Variants in CLSTN2 observed in about 807,000 individuals in gnomAD.
CLSTN2 encodes the protein calsyntenin 2.
In CLSTN2, 48 loss-of-function variants were observed where a neutral mutation model predicts 101.2. The observed-to-expected ratio is 0.47, with a 90% confidence interval of 0.38 to 0.60. The LOEUF (loss-of-function observed/expected upper bound fraction) is 0.60. CLSTN2 is among the 20% of genes least tolerant of loss of function. The pLI is 0.00. For synonymous variants in CLSTN2, 481 were observed against 463.6 expected, an observed-to-expected ratio of 1.04 and a Z score of -0.48; for missense variants, 1,160 against 1,238.2, an observed-to-expected ratio of 0.94 and a Z score of 0.95.
chr3:140,478,682 C>A (rs1266120761), intron 8 of CLSTN2, among the ~76,000 whole-genome samples: 2 of 152,044 alleles, frequency 1.3e-5, no homozygotes, highest in East Asian at 3.9e-4. Flanking sequence ...TATAAATTTA[C>A]TTAACACCAC....
intron 2 of CLSTN2, among the ~76,000 whole-genome samples, chr3:140,182,477 T>C (rs1301042338): frequency 6.6e-6 from 1 of 152,156 alleles, no homozygotes; most frequent in Non-Finnish European, 1.5e-5. Flanking sequence ...CAGTCTGTCC[T>C]GCCCCACAGC....
rs867209265 is a variant in CLSTN2, at chr3:140,172,204, C to T, written c.110-3747C>T. Reference sequence around the variant, plus strand: ...GAATCTGATGTACCTACTCTATATCCAGACTTCTGTGAGGGTATTGGGGGT... The same window carrying T: ...GAATCTGATGTACCTACTCTATATCTAGACTTCTGTGAGGGTATTGGGGGT... On this transcript the variant is annotated intron_variant, in intron 1 of 16. Coordinates refer to ENST00000458420, the MANE Select transcript of CLSTN2 (RefSeq NM_022131.3). Among the ~76,000 whole-genome samples the T allele has an allele frequency of 7.2e-5, 10 of 138,512 alleles. No individual in the cohort carries two copies. The South Asian group carries it at 1.4e-3, about 20-fold the overall frequency. The allele number at this position is 138,512 out of a possible 152,430, so 90.9% of individuals were successfully genotyped here.
intron 1 of CLSTN2, among the ~76,000 whole-genome samples, chr3:140,068,729 T>A (rs143883791): frequency 6.6e-6 from 1 of 152,312 alleles, no homozygotes; most frequent in African/African-American, 2.4e-5. Context: ...CAATTCCTAA[T>A]AAGAAGACCA....
chr3:140,328,942 A>C (rs2107927998), intron 2 of CLSTN2, among the ~76,000 whole-genome samples: 1 of 152,314 alleles, frequency 6.6e-6, no homozygotes, highest in East Asian at 1.9e-4. Flanking sequence ...TCAAAAATAA[A>C]AACAAAAGCA....
chr3:140,237,431 G>C (rs2086427497), intron 2 of CLSTN2, among the ~76,000 whole-genome samples: 1 of 152,120 alleles, frequency 6.6e-6, no homozygotes, highest in Non-Finnish European at 1.5e-5. Flanking sequence ...TGCATCTTCT[G>C]ATCAGAGCTC....
At chr3:140,429,617 T>C (rs1180809923) in intron 5 of CLSTN2, among the ~76,000 whole-genome samples, 4 of 152,124 alleles carry the variant, frequency 2.6e-5, no homozygotes, top group African/African-American at 4.8e-5. Flanking sequence ...CTCCATGTGG[T>C]TAAGAGTATC....
chr3:140,086,520 T>C (rs112955187), intron 1 of CLSTN2, among the ~76,000 whole-genome samples: 1 of 152,220 alleles, frequency 6.6e-6, no homozygotes, highest in East Asian at 1.9e-4. Context: ...GCCTGGCACA[T>C]AAGTGCAACG....
intron 2 of CLSTN2, among the ~76,000 whole-genome samples, chr3:140,237,141 C>A (rs1016456588): frequency 2.6e-5 from 4 of 151,966 alleles, no homozygotes; most frequent in Non-Finnish European, 5.9e-5. Context: ...TAATTTGGTA[C>A]TTTGTTCTGG....
At chr3:139,994,774 A>T (rs947382830) in intron 1 of CLSTN2, among the ~76,000 whole-genome samples, 13 of 152,190 alleles carry the variant, frequency 8.5e-5, no homozygotes, top group Non-Finnish European at 1.5e-5. Flanking sequence ...AATAGACAGC[A>T]CTTATTGAGA....
Position 140,477,583 on chromosome 3 carries a change from T to C in CLSTN2, c.1344+10852T>C, listed in dbSNP as rs75589390. Among the ~76,000 whole-genome samples the C allele has an allele frequency of 4.1e-4, 62 of 152,352 alleles. 1 individual carries two copies. The East Asian group carries it at 0.012, about 29-fold the overall frequency. ...TTAGGTCTAAACTACACAGTTACTT[T>C]TGAGGTTAAAACTTAACTCCATGTT... On this transcript the variant is annotated intron_variant, in intron 8 of 16. Coordinates refer to ENST00000458420, the MANE Select transcript of CLSTN2 (RefSeq NM_022131.3).
intron 1 of CLSTN2, among the ~76,000 whole-genome samples, chr3:140,052,288 A>G (rs1427098771): frequency 6.6e-6 from 1 of 152,090 alleles, no homozygotes; most frequent in Non-Finnish European, 1.5e-5. Context: ...CCTCCCGAGT[A>G]GCTGGGACTA....
intron 1 of CLSTN2, among the ~76,000 whole-genome samples, chr3:140,053,039 T>G (rs551962399): frequency 3.3e-5 from 5 of 152,130 alleles, no homozygotes; most frequent in Admixed American, 6.6e-5. Context: ...CACAGAGCCC[T>G]TCTCTGGATG....
At chr3:140,201,056 C>A (rs1164088193) in intron 2 of CLSTN2, among the ~76,000 whole-genome samples, 1 of 152,204 alleles carries the variant, frequency 6.6e-6, no homozygotes, top group Non-Finnish European at 1.5e-5. Context: ...TACAAATCTA[C>A]ATAAATGAGC....
At chr3:139,950,544 AG>A (rs1333447758) in intron 1 of CLSTN2, among the ~76,000 whole-genome samples, 1 of 152,230 alleles carries the variant, frequency 6.6e-6, no homozygotes, top group Non-Finnish European at 1.5e-5. Context: ...TGGACCAAAC[AG>A]GATTTTACTA....
intron 1 of CLSTN2, among the ~76,000 whole-genome samples, chr3:140,055,401 T>C (rs1056773783): frequency 6.6e-6 from 1 of 152,210 alleles, no homozygotes; most frequent in Non-Finnish European, 1.5e-5. Context: ...AAAGAACATG[T>C]GTTCTTGGGA....
intron 2 of CLSTN2, among the ~76,000 whole-genome samples, chr3:140,356,984 G>C (rs2087677751): frequency 6.6e-6 from 1 of 152,234 alleles, no homozygotes. Context: ...AGAAACCGAG[G>C]CTGACAGAAG....
At chr3:140,106,479 T>G (rs2009060045) in intron 1 of CLSTN2, among the ~76,000 whole-genome samples, 1 of 152,136 alleles carries the variant, frequency 6.6e-6, no homozygotes, top group Admixed American at 6.5e-5. Flanking sequence ...GAGCAGGAGG[T>G]GGGGTCTTTG....
chr3:140,020,898 T>A (rs1341242557), intron 1 of CLSTN2, among the ~76,000 whole-genome samples: 1 of 152,270 alleles, frequency 6.6e-6, no homozygotes, highest in East Asian at 1.9e-4. Context: ...CTTGGCAGAC[T>A]GCTTCGTCTT....
At position 140,167,758 on chromosome 3, in the gene CLSTN2, G is replaced by A. The variant is rs562927331; in HGVS notation, c.110-8193G>A. 2.0e-5 allele frequency among the ~76,000 whole-genome samples: 3 copies of A among 152,184 alleles called. No homozygotes were observed. The South Asian group carries it at 6.2e-4, about 32-fold the overall frequency. The stretch of plus-strand genomic sequence containing the variant: ...TACTGATCTGTTATCTGTCCCTATA[G>A]TTTTGTGTTTTCTAAAATGTCATAT... On this transcript the variant is annotated intron_variant, in intron 1 of 16. Coordinates refer to ENST00000458420, the MANE Select transcript of CLSTN2 (RefSeq NM_022131.3).
Sources: gnomAD v4.1 joint callset for allele counts (sites outside exome capture counted in the v4.1 genomes callset) on GRCh38, gnomAD v4.1.1 for gene constraint, MANE v1.5 for transcripts, NCBI Gene and HGNC (gene_info 2026-07-23, HGNC 2026-07-21) for gene names.